The following KPRP variants were observed in gnomAD, a reference collection of about 807,000 sequenced individuals.
The protein encoded by KPRP is keratinocyte proline-rich protein.
For synonymous variants in KPRP, 282 were observed against 276.9 expected (o/e 1.02, Z -0.18); for missense variants, 820 against 746.4 (o/e 1.10, Z -1.15).
rs747174235 is a variant in KPRP, at chr1:152,761,115, C to A, written c.1527C>A (p.Tyr509Ter). 8 of 1,614,024 alleles carry A rather than the reference C, an allele frequency of 5.0e-6. No individual in the cohort carries two copies. The highest frequency in any genetic ancestry group is 1.3e-5 in the African/African-American group (1 of 74,932). Residue 509 changes from tyrosine to a stop codon, truncating the protein, a stop_gained, in exon 1 of 1, where the codon TAC becomes TAA. Coordinates refer to ENST00000606109, the Ensembl canonical transcript of KPRP. LOFTEE classifies it low-confidence loss of function (END_TRUNC). ...GCTGGGGCCCAAATCCAGTTCCATA[C>A]CCAGGAGACCTAGGCTGTCATGAGT... is the stretch of plus-strand genomic sequence containing the variant.
At chr1:152,760,336 C>T (rs1428244418) in exon 1 of KPRP, 4 of 1,614,076 alleles carry the variant, frequency 2.5e-6, no homozygotes, top group Non-Finnish European at 3.4e-6. Context: ...GCACCGCTCT[C>T]GGAGCACCAG....
At chr1:152,761,109 T>A (rs1484111457) in exon 1 of KPRP, 1 of 1,613,904 alleles carries the variant, frequency 6.2e-7, no homozygotes, top group Non-Finnish European at 8.5e-7. Flanking sequence ...CAAATCCAGT[T>A]CCATACCCAG....
upstream of KPRP, among the ~76,000 whole-genome samples, chr1:152,759,336 G>C (rs1288821499): frequency 6.6e-6 from 1 of 152,162 alleles, no homozygotes; most frequent in Non-Finnish European, 1.5e-5. Flanking sequence ...GCATTGGTAG[G>C]TCCACCCCCA....
chr1:152,761,088 A>G (rs1651114301), exon 1 of KPRP: 2 of 1,613,868 alleles, frequency 1.2e-6, no homozygotes, highest in African/African-American at 1.3e-5. Context: ...GCCCCAGCCC[A>G]TGCTGGGGCC....
upstream of KPRP, chr1:152,759,496 T>C (rs1169897399): frequency 6.0e-6 from 9 of 1,506,328 alleles, no homozygotes; most frequent in African/African-American, 1.4e-5. Flanking sequence ...CAGGGTGTCT[T>C]CCTCTAGGTC....
chr1:152,760,589 G>T (rs757431245), exon 1 of KPRP: 3 of 1,608,540 alleles, frequency 1.9e-6, no homozygotes, highest in Non-Finnish European at 2.5e-6. Context: ...TCCCCGTGCT[G>T]CCCCAGGCAG....
exon 1 of KPRP, chr1:152,759,774 G>C (rs779189083): frequency 1.2e-6 from 2 of 1,614,144 alleles, no homozygotes; most frequent in South Asian, 2.2e-5. Context: ...TGTCAGACCA[G>C]GCTCCATGCC....
At chr1:152,761,549 T>G in exon 1 of KPRP, 1 of 765,652 alleles carries the variant, frequency 1.3e-6, no homozygotes, top group Non-Finnish European at 2.0e-6. Context: ...GTACGCATCC[T>G]CGGCTCTAGC....
At chr1:152,761,196 C>G (rs1435371619) in exon 1 of KPRP, 1 of 1,614,124 alleles carries the variant, frequency 6.2e-7, no homozygotes, top group Admixed American at 1.7e-5. Context: ...CCAGTTACAA[C>G]CAGGGGCAAG....
At chr1:152,759,058 G>C (rs981309982), upstream of KPRP, among the ~76,000 whole-genome samples, 7 of 152,350 alleles carry the variant, frequency 4.6e-5, no homozygotes, top group South Asian at 1.2e-3. Context: ...GCTTTCCAGT[G>C]AATGCTTTGA....
upstream of KPRP, chr1:152,759,473 G>C: frequency 6.9e-7 from 1 of 1,455,546 alleles, no homozygotes; most frequent in Non-Finnish European, 9.1e-7. Flanking sequence ...AGGAAGAAAA[G>C]CTAGGGAAGA....
chr1:152,761,272 G>A, exon 1 of KPRP: 5 of 1,614,200 alleles, frequency 3.1e-6, no homozygotes, highest in Non-Finnish European at 4.2e-6. Flanking sequence ...TGGCCATGGA[G>A]ACCAAGGCAA....
chr1:152,760,845 C>T (rs779256544), exon 1 of KPRP: 1 of 1,614,174 alleles, frequency 6.2e-7, no homozygotes, highest in South Asian at 1.1e-5. Context: ...TAGAACCACG[C>T]CCGCGTCCTC....
rs745453157 is a variant in KPRP at position 152,760,297 on chromosome 1, CA to C, written c.710del (p.Gln237ArgfsTer49). 28 of 1,614,066 alleles carry C rather than the reference CA, an allele frequency of 1.7e-5. No individual in the cohort carries two copies. The highest frequency in any genetic ancestry group is 2.3e-5 in the Non-Finnish European group (27 of 1,180,034). On this transcript the variant is annotated frameshift_variant, in exon 1 of 1. Coordinates refer to ENST00000606109, the Ensembl canonical transcript of KPRP. LOFTEE classifies it low-confidence loss of function (END_TRUNC). ...TCCCTGTGTGCCCCAGTGCCAGACC[CA>C]GGGCTCCTATGGGAGCTTCACTGAA...
exon 1 of KPRP, chr1:152,760,926 A>G (rs780502418): frequency 1.9e-6 from 3 of 1,613,572 alleles, no homozygotes; most frequent in South Asian, 2.2e-5. Flanking sequence ...CACCGCGGCC[A>G]GTTCCCCTTC....
chr1:152,760,058 C>T (rs1198398396), exon 1 of KPRP: 3 of 1,614,188 alleles, frequency 1.9e-6, no homozygotes, highest in East Asian at 2.2e-5. Flanking sequence ...GTACCCTGTC[C>T]AGCTCCTCAG....
At chr1:152,761,048 G>C in exon 1 of KPRP, 3 of 1,613,736 alleles carry the variant, frequency 1.9e-6, no homozygotes, top group Middle Eastern at 1.6e-4. Flanking sequence ...CCCTGCCCAA[G>C]CCCGGAGCCC....
chr1:152,759,877 C>G lies in KPRP; in HGVS notation c.289C>G (p.Gln97Glu), dbSNP rs775346362. 3 of 1,614,162 alleles carry G rather than the reference C, an allele frequency of 1.9e-6. No homozygotes were observed. The South Asian group carries it at 3.3e-5, about 18-fold the overall frequency. ...GTCTAAGACCACCCAGGTGAAGGGC[C>G]AGGCTGCATCCCAATCTCAAACTTC... Residue 97 changes from glutamine to glutamate, a missense_variant, in exon 1 of 1, where the codon CAG (glutamine) becomes GAG (glutamate). Coordinates refer to ENST00000606109, the Ensembl canonical transcript of KPRP.
chr1:152,759,448 G>A (rs1651034659), upstream of KPRP: 1 of 1,384,080 alleles, frequency 7.2e-7, no homozygotes, highest in East Asian at 2.5e-5. Context: ...ACACTTGGAT[G>A]AAAGTTGAGG....
Sources: allele counts gnomAD v4.1 joint callset (sites outside exome capture counted in the v4.1 genomes callset), GRCh38; gene constraint gnomAD v4.1.1; transcripts MANE v1.5; gene names NCBI Gene and HGNC (gene_info 2026-07-23, HGNC 2026-07-21).